LRFN5: variants seen among roughly 807,000 people sequenced by gnomAD.
LRFN5 encodes leucine rich repeat and fibronectin type III domain containing 5, also known as leucine-rich repeat and fibronectin type-III domain-containing protein 5.
LRFN5 carries 24 observed loss-of-function variants against 45.6 expected under a neutral mutation model. The ratio of observed to expected loss-of-function variants is 0.53; its 90% CI spans 0.38 to 0.74. LRFN5 has a LOEUF of 0.74. Ranked by LOEUF, LRFN5 falls within the 30% of genes least tolerant of loss-of-function variation. The pLI, the probability that LRFN5 is intolerant of heterozygous loss-of-function variation, is 0.00. For missense variants in LRFN5, 776 were observed against 861.5 expected (o/e 0.90, Z 1.24); for synonymous variants, 340 against 313.8 (o/e 1.08, Z -0.88).
intron 1 of LRFN5, among the ~76,000 whole-genome samples, chr14:41,725,868 A>G (rs375357176): frequency 1.3e-5 from 2 of 152,062 alleles, no homozygotes; most frequent in South Asian, 2.1e-4. Flanking sequence ...CTCCAATTTT[A>G]TATTTATTTG....
At chr14:41,754,184 T>A (rs1412598298) in intron 1 of LRFN5, among the ~76,000 whole-genome samples, 1 of 152,144 alleles carries the variant, frequency 6.6e-6, no homozygotes, top group Non-Finnish European at 1.5e-5. Context: ...TATTGAGGAT[T>A]TTTGCATCGA....
At chr14:41,789,928 T>A (rs1356568124) in intron 2 of LRFN5, among the ~76,000 whole-genome samples, 1 of 151,992 alleles carries the variant, frequency 6.6e-6, no homozygotes, top group Non-Finnish European at 1.5e-5. Context: ...TTATCGTTTT[T>A]TCTACTTTCA....
chr14:41,620,607 G>T (rs954317114), intron 1 of LRFN5, among the ~76,000 whole-genome samples: 3 of 151,918 alleles, frequency 2.0e-5, no homozygotes, highest in Non-Finnish European at 4.4e-5. Flanking sequence ...CTGTTTAATA[G>T]TTCTATTTCT....
chr14:41,795,502 A>C (rs1566447056), intron 2 of LRFN5, among the ~76,000 whole-genome samples: 1 of 152,134 alleles, frequency 6.6e-6, no homozygotes. Context: ...GCACTATTAC[A>C]ATAGCAAAGA....
chr14:41,816,876 T>G (rs1308552476), intron 2 of LRFN5, among the ~76,000 whole-genome samples: 1 of 152,040 alleles, frequency 6.6e-6, no homozygotes, highest in East Asian at 1.9e-4. Context: ...CTTTCTCTTT[T>G]TTATTCTTTT....
At chr14:41,747,894 A>G (rs544781070) in intron 1 of LRFN5, among the ~76,000 whole-genome samples, 6 of 152,088 alleles carry the variant, frequency 3.9e-5, no homozygotes, top group Non-Finnish European at 8.8e-5. Flanking sequence ...GGAAAACAAC[A>G]TATAATAAAA....
intron 1 of LRFN5, among the ~76,000 whole-genome samples, chr14:41,630,318 A>T (rs530454495): frequency 6.6e-6 from 1 of 152,274 alleles, no homozygotes; most frequent in Admixed American, 6.5e-5. Flanking sequence ...AGTTTTGTAG[A>T]TACCTGTCTG....
At position 41,887,430 on chromosome 14, in the gene LRFN5, T is replaced by C. The variant is rs754765983; in HGVS notation, c.805T>C (p.Leu269=). Residue 269 remains leucine, a synonymous_variant, in exon 3 of 6, where the codon TTA becomes CTA. Coordinates refer to ENST00000298119, the MANE Select transcript of LRFN5 (RefSeq NM_152447.5). The surrounding 1 kb of genome is among the most constrained non-coding windows in gnomAD (Gnocchi z 4.8). ...DLETCASPPL[L]TGRYFWSIPE... is the part of the protein sequence containing the mutation. ...AGAGACCTGTGCTTCTCCTCCACTT[T>C]TAACTGGCCGCTACTTTTGGTCAAT... The C allele has an allele frequency of 1.7e-5, 27 of 1,614,080 alleles. No individual in the cohort carries two copies. The East Asian group carries it at 4.9e-4, about 29-fold the overall frequency.
At chr14:41,618,915 C>T (rs1386228461) in intron 1 of LRFN5, among the ~76,000 whole-genome samples, 2 of 152,082 alleles carry the variant, frequency 1.3e-5, no homozygotes, top group Non-Finnish European at 2.9e-5. Flanking sequence ...GCTGATTTCT[C>T]AGTAGGTAAA....
At chr14:41,890,580 G>A (rs1292631548) in intron 3 of LRFN5, among the ~76,000 whole-genome samples, 3 of 151,636 alleles carry the variant, frequency 2.0e-5, no homozygotes, top group Admixed American at 6.6e-5. Context: ...GGTGGCGGGC[G>A]CCTGTAGTCC....
Position 41,890,627 on chromosome 14 carries a change from A to T in LRFN5, c.1386-623A>T, listed in dbSNP as rs1184859147. Among the ~76,000 whole-genome samples, 5 of 151,890 alleles carry T rather than the reference A, an allele frequency of 3.3e-5. No homozygotes were observed. In the East Asian group the frequency reaches 9.7e-4, roughly 30 times the overall value. ...CAGGCTGAGGCAGGAGAATGGCGTGAACCCGGGAGGCGGAGCTTTCATTGA... is the reference window on the plus strand; with the variant it reads ...CAGGCTGAGGCAGGAGAATGGCGTGTACCCGGGAGGCGGAGCTTTCATTGA... On this transcript the variant is annotated intron_variant, in intron 3 of 5. Coordinates refer to ENST00000298119, the MANE Select transcript of LRFN5 (RefSeq NM_152447.5).
chr14:41,781,686 A>G (rs935325239), intron 2 of LRFN5, among the ~76,000 whole-genome samples: 2 of 149,376 alleles, frequency 1.3e-5, no homozygotes, highest in African/African-American at 2.4e-5. Context: ...AAGAAAGAGA[A>G]AGAAAGAAAA....
chr14:41,868,878 C>T (rs1297099907), intron 2 of LRFN5, among the ~76,000 whole-genome samples: 1 of 152,078 alleles, frequency 6.6e-6, no homozygotes, highest in Non-Finnish European at 1.5e-5. Context: ...TTGAACATGC[C>T]AGTACCTTCA....
intron 1 of LRFN5, among the ~76,000 whole-genome samples, chr14:41,631,913 A>T (rs1199547073): frequency 6.6e-6 from 1 of 152,190 alleles, no homozygotes; most frequent in East Asian, 1.9e-4. Context: ...TATGAAAGAG[A>T]TGAGAAGCCA....
chr14:41,820,655 A>T (rs1014699236), intron 2 of LRFN5, among the ~76,000 whole-genome samples: 2 of 151,846 alleles, frequency 1.3e-5, no homozygotes, highest in Non-Finnish European at 2.9e-5. Flanking sequence ...TTCTGTGAGC[A>T]TTCATATTGG....
At chr14:41,726,238 G>T (rs1883927427) in intron 1 of LRFN5, among the ~76,000 whole-genome samples, 1 of 151,932 alleles carries the variant, frequency 6.6e-6, no homozygotes, top group Non-Finnish European at 1.5e-5. Flanking sequence ...TTTGCTATCT[G>T]GTAAACCTTG....
intron 2 of LRFN5, among the ~76,000 whole-genome samples, chr14:41,779,685 T>C (rs977454314): frequency 1.3e-5 from 2 of 151,916 alleles, no homozygotes; most frequent in African/African-American, 4.8e-5. Flanking sequence ...CTGACTCTCT[T>C]GGTGTGGGTT....
At chr14:41,768,155 A>G (rs1372477922) in intron 2 of LRFN5, among the ~76,000 whole-genome samples, 5 of 152,158 alleles carry the variant, frequency 3.3e-5, no homozygotes, top group African/African-American at 7.2e-5. Flanking sequence ...ACATGTCAAT[A>G]TGCAATAGAA....
chr14:41,868,257 A>G (rs1594479822), intron 2 of LRFN5, among the ~76,000 whole-genome samples: 3 of 152,248 alleles, frequency 2.0e-5, no homozygotes, highest in Non-Finnish European at 1.5e-5. Context: ...CCTATTGAAT[A>G]GCAGATGACA....
Sources: allele counts gnomAD v4.1 joint callset (sites outside exome capture counted in the v4.1 genomes callset), GRCh38; gene constraint gnomAD v4.1.1; non-coding constraint Gnocchi (gnomAD v3.1); transcripts MANE v1.5; gene names NCBI Gene and HGNC (gene_info 2026-07-23, HGNC 2026-07-21).